The following ECM2 variants were observed in gnomAD, a reference collection of about 807,000 sequenced individuals.
The protein encoded by ECM2 is extracellular matrix protein 2, female organ and adipocyte specific.
In ECM2, 57 loss-of-function variants were observed where a neutral mutation model predicts 67.5. The observed-to-expected ratio is 0.84, with a 90% CI of 0.68 to 1.05. The LOEUF is 1.05. Among genes scored for constraint, ECM2 ranks in the 50% least tolerant of loss-of-function variants. The pLI is 0.00. For synonymous variants in ECM2, 258 were observed against 294.5 expected, an observed-to-expected ratio of 0.88 and a Z score of 1.27; for missense variants, 741 against 822.8, an observed-to-expected ratio of 0.90 and a Z score of 1.22.
chr9:92,507,743 C>A (rs1030603904), intron 6 of ECM2, among the ~76,000 whole-genome samples: 2 of 152,148 alleles, frequency 1.3e-5, no homozygotes, highest in Non-Finnish European at 2.9e-5. Context: ...TTAAAGCGTG[C>A]CTGGTTTTCC....
At chr9:92,556,716 A>T in the ECM2 span, among the ~76,000 whole-genome samples, 3 of 152,176 alleles carry the variant, frequency 2.0e-5, no homozygotes, top group Non-Finnish European at 4.4e-5. Context: ...CTTTAAGTGT[A>T]TGTGAGTCCT....
rs189174992 is a variant in ECM2, at chr9:92,511,536, A to C, written c.1170+475T>G. On this transcript the variant is annotated intron_variant, in intron 5 of 9. Coordinates refer to ENST00000344604, the MANE Select transcript of ECM2 (RefSeq NM_001393.4). ...CCCTCTTCTTCCCCAAGCTATCCCTAATTTTTATATGAGCCTATTTGTTTT... is the reference window on the plus strand; with the variant it reads ...CCCTCTTCTTCCCCAAGCTATCCCTCATTTTTATATGAGCCTATTTGTTTT... 1.7e-3 allele frequency among the ~76,000 whole-genome samples: 262 copies of C among 151,326 alleles called. 1 individual carries two copies. Among genetic ancestry groups the C allele is most frequent in the African/African-American group, 6.0e-3 (247 of 41,186 alleles).
At chr9:92,544,883 A>AT in the ECM2 span, among the ~76,000 whole-genome samples, 15 of 150,904 alleles carry the variant, frequency 9.9e-5, no homozygotes, top group African/African-American at 1.9e-4. Context: ...ACCCAGCTAA[A>AT]TTTTTTTTTG....
At chr9:92,546,798 A>G in the ECM2 span, among the ~76,000 whole-genome samples, 1 of 152,188 alleles carries the variant, frequency 6.6e-6, no homozygotes, top group African/African-American at 2.4e-5. Flanking sequence ...AATTTCTTTA[A>G]AAAAACAATA....
Position 92,514,705 on chromosome 9 carries a change from A to G in ECM2, c.980T>C (p.Ile327Thr). 6.2e-7 allele frequency: 1 copy of G among 1,613,592 alleles called. No homozygotes were observed. The highest frequency in any genetic ancestry group is 8.5e-7 in the Non-Finnish European group (1 of 1,179,680). Reference sequence around the variant, plus strand: ...GGTAAGCATGGCGTTGATGCAGCTGATGGTCCTGTAGGACAGAGAGCACCC... The same window carrying G: ...GGTAAGCATGGCGTTGATGCAGCTGGTGGTCCTGTAGGACAGAGAGCACCC... ...PSGCSLSYRT[I>T]SCINAMLTQI... The change falls in exon 4 of 10, where the codon ATC (isoleucine) becomes ACC (threonine). Residue 327 changes from isoleucine (I) to threonine (T), a missense_variant. Physicochemically the swap from Ile to Thr is moderately conservative, Grantham distance 89. Coordinates refer to ENST00000344604, the MANE Select transcript of ECM2 (RefSeq NM_001393.4).
the ECM2 span, among the ~76,000 whole-genome samples, chr9:92,547,790 G>A: frequency 6.6e-6 from 1 of 152,208 alleles, no homozygotes; most frequent in East Asian, 1.9e-4. Context: ...TTTAAAGTAT[G>A]CGTTTTATGG....
At position 92,496,010 on chromosome 9, in the gene ECM2, G is replaced by C; in HGVS notation, c.*305C>G. 1.0e-6 allele frequency: 1 copy of C among 1,004,240 alleles called. No homozygotes were observed. Among genetic ancestry groups the C allele is most frequent in the African/African-American group, 1.7e-5 (1 of 58,166 alleles). 62.2% of individuals were successfully genotyped at this position (1,004,240 alleles called of 1,614,324 possible). ...CACCAGTATTCAAGTTGATTATAAA[G>C]GCTGTGTTTATTTTGTTCCAGACTC... is the stretch of plus-strand genomic sequence containing the variant. On this transcript the variant is annotated 3_prime_UTR_variant, in exon 10 of 10. Coordinates refer to ENST00000344604, the MANE Select transcript of ECM2 (RefSeq NM_001393.4).
chr9:92,538,178 A>G (rs1314289154), upstream of ECM2, among the ~76,000 whole-genome samples: 1 of 152,182 alleles, frequency 6.6e-6, no homozygotes, highest in Admixed American at 6.5e-5. Flanking sequence ...AAAAAAAGTT[A>G]ACCCAGTTGT....
Position 92,514,499 on chromosome 9 carries a change from C to T in ECM2, c.1054+132G>A, listed in dbSNP as rs543249063. On this transcript the variant is annotated intron_variant, in intron 4 of 9. Transcript: ENST00000344604. ...CATATTGTCCAGGCTGGTCTCAAACCCCTGACCTCAGGTGATCTGGCCACC... is the reference window on the plus strand; with the variant it reads ...CATATTGTCCAGGCTGGTCTCAAACTCCTGACCTCAGGTGATCTGGCCACC... The T allele has an allele frequency of 1.0e-5, 13 of 1,251,776 alleles. No individual in the cohort carries two copies. In the South Asian group the frequency reaches 2.3e-4, roughly 23 times the overall value. The allele number at this position is 1,251,776 out of a possible 1,614,324, so 77.5% of individuals were successfully genotyped here.
intron 1 of ECM2, among the ~76,000 whole-genome samples, chr9:92,533,319 AAAAAAAAAAATATATATATAT>A (rs1363810654): frequency 9.7e-6 from 1 of 103,506 alleles, no homozygotes; most frequent in East Asian, 4.8e-4. Flanking sequence ...AAAAAAAAAA[AAAAAAAAAAATATATATATAT>A]ATATATATAT....
At chr9:92,546,317 G>A in the ECM2 span, among the ~76,000 whole-genome samples, 1 of 152,304 alleles carries the variant, frequency 6.6e-6, no homozygotes, top group South Asian at 2.1e-4. Flanking sequence ...AGCTAGCCCT[G>A]ACAACCCACC....
chr9:92,549,476 G>A, the ECM2 span, among the ~76,000 whole-genome samples: 2 of 152,106 alleles, frequency 1.3e-5, no homozygotes, highest in South Asian at 2.1e-4. Context: ...GTGAAACACC[G>A]TCTGTACTAA....
At chr9:92,554,049 G>T in the ECM2 span, among the ~76,000 whole-genome samples, 2 of 152,132 alleles carry the variant, frequency 1.3e-5, no homozygotes, top group Non-Finnish European at 2.9e-5. Flanking sequence ...TGGGTTTGTC[G>T]TAGATGGCTT....
chr9:92,535,823 T>C (rs1849135387), intron 1 of ECM2, 110 bp downstream of exon 1: 3 of 324,680 alleles, frequency 9.2e-6, no homozygotes, highest in Middle Eastern at 1.1e-3. Context: ...TAAAAATCTA[T>C]TAGTAACGAG....
chr9:92,525,472 A>G (rs569983195), intron 1 of ECM2, among the ~76,000 whole-genome samples: 30 of 152,300 alleles, frequency 2.0e-4, no homozygotes, highest in African/African-American at 7.2e-4. Context: ...GGTCCCATAA[A>G]ATTATAATGG....
chr9:92,495,478 T>G lies in ECM2; in HGVS notation c.*837A>C. The G allele has an allele frequency of 1.0e-6, 1 of 984,266 alleles. No individual in the cohort carries two copies. Among genetic ancestry groups the G allele is most frequent in the Non-Finnish European group, 1.2e-6 (1 of 828,862 alleles). The allele number at this position is 984,266 out of a possible 1,614,324, so 61.0% of individuals were successfully genotyped here. A position where few individuals can be genotyped will look rare whatever the true frequency, so the allele number is the denominator to read the frequency against. On this transcript the variant is annotated 3_prime_UTR_variant, in exon 10 of 10. Coordinates refer to ENST00000344604, the MANE Select transcript of ECM2 (RefSeq NM_001393.4). ...CAAAATTTTTCAAAAATTTATACAT[T>G]AGATTTACCTTTACAAGGTTATAGT...
intron 1 of ECM2, among the ~76,000 whole-genome samples, chr9:92,531,968 T>C (rs932104841): frequency 6.6e-6 from 1 of 151,520 alleles, no homozygotes; most frequent in African/African-American, 2.4e-5. Flanking sequence ...CAGTATTTTA[T>C]TGTTGCCTTC....
intron 9 of ECM2, among the ~76,000 whole-genome samples, chr9:92,499,121 G>T (rs926391751): frequency 6.6e-6 from 1 of 152,196 alleles, no homozygotes; most frequent in Non-Finnish European, 1.5e-5. Context: ...AAGCAAGTGA[G>T]CAGACACAAG....
At chr9:92,535,542 T>C (rs993054151) in intron 1 of ECM2, among the ~76,000 whole-genome samples, 1 of 152,148 alleles carries the variant, frequency 6.6e-6, no homozygotes, top group African/African-American at 2.4e-5. Context: ...AAAATATTAA[T>C]TTAGAATTTT....
Sources: gnomAD v4.1 joint callset for allele counts (sites outside exome capture counted in the v4.1 genomes callset) on GRCh38, gnomAD v4.1.1 for gene constraint, MANE v1.5 for transcripts, NCBI Gene and HGNC (gene_info 2026-07-23, HGNC 2026-07-21) for gene names.